The following GPC6 variants were observed in gnomAD, a reference collection of about 807,000 sequenced individuals.
GPC6 encodes glypican 6, also known as glypican-6.
Under a neutral mutation model 55.2 loss-of-function variants are expected in GPC6, and 14 were observed. The ratio of observed to expected loss-of-function variants is 0.25; its 90% CI spans 0.17 to 0.40. The LOEUF is 0.40. Among genes scored for constraint, GPC6 ranks in the 10% least tolerant of loss-of-function variants. The pLI is 1.00. For missense variants in GPC6, 641 were observed against 708.5 expected (o/e 0.90, Z 1.08); for synonymous variants, 278 against 259.6 (o/e 1.07, Z -0.68).
At chr13:93,661,302 C>T (rs1175321355) in intron 2 of GPC6, among the ~76,000 whole-genome samples, 1 of 152,074 alleles carries the variant, frequency 6.6e-6, no homozygotes, top group African/African-American at 2.4e-5. Context: ...CAACCTCCGC[C>T]TCCTGGTTTC....
At chr13:93,603,781 A>C (rs1878123458) in intron 2 of GPC6, among the ~76,000 whole-genome samples, 1 of 152,252 alleles carries the variant, frequency 6.6e-6, no homozygotes, top group African/African-American at 2.4e-5. Context: ...CAAGGGGGAC[A>C]CTAATATCTC....
At chr13:93,561,782 G>T (rs1476208890) in intron 2 of GPC6, among the ~76,000 whole-genome samples, 1 of 152,028 alleles carries the variant, frequency 6.6e-6, no homozygotes, top group Non-Finnish European at 1.5e-5. Context: ...CCATTCTACC[G>T]ACAGAGAGCA....
intron 1 of GPC6, among the ~76,000 whole-genome samples, chr13:93,496,326 G>C (rs893514331): frequency 4.6e-5 from 7 of 152,160 alleles, no homozygotes; most frequent in African/African-American, 1.7e-4. Context: ...CTCGGAAAAG[G>C]AACTCCCTGA....
chr13:93,373,441 A>G (rs1242039224), intron 1 of GPC6, among the ~76,000 whole-genome samples: 1 of 152,218 alleles, frequency 6.6e-6, no homozygotes, highest in Non-Finnish European at 1.5e-5. Flanking sequence ...ACAAATTTAC[A>G]TCAGCTTATA....
At chr13:93,266,948 C>G (rs1006958042) in intron 1 of GPC6, among the ~76,000 whole-genome samples, 12 of 152,114 alleles carry the variant, frequency 7.9e-5, no homozygotes, top group African/African-American at 2.7e-4. Context: ...TAAAAATGAA[C>G]TGAGAGACTC....
At chr13:94,107,497 A>C (rs1420567377) in intron 4 of GPC6, among the ~76,000 whole-genome samples, 1 of 151,800 alleles carries the variant, frequency 6.6e-6, no homozygotes, top group Non-Finnish European at 1.5e-5. Context: ...TCCAGAATCT[A>C]TACTTCACTC....
At chr13:93,373,943 C>G (rs966256975) in intron 1 of GPC6, among the ~76,000 whole-genome samples, 1 of 152,106 alleles carries the variant, frequency 6.6e-6, no homozygotes. Flanking sequence ...TACTGAGTGC[C>G]TCAAATGTCC....
At chr13:93,937,771 G>A (rs1028397501) in intron 3 of GPC6, among the ~76,000 whole-genome samples, 2 of 151,930 alleles carry the variant, frequency 1.3e-5, no homozygotes, top group African/African-American at 4.8e-5. Context: ...TAGAGATGGG[G>A]TTTCACCATG....
chr13:93,966,388 A>G (rs1880043975), intron 3 of GPC6, among the ~76,000 whole-genome samples: 2 of 152,232 alleles, frequency 1.3e-5, no homozygotes, highest in South Asian at 4.1e-4. Context: ...TTTCCTTTAC[A>G]GGGTAGACTT....
At chr13:93,732,866 TATA>T (rs771226205) in intron 2 of GPC6, among the ~76,000 whole-genome samples, 4 of 152,172 alleles carry the variant, frequency 2.6e-5, no homozygotes, top group African/African-American at 4.8e-5. Flanking sequence ...CTAATCTATA[TATA>T]ATATCATTTT....
intron 1 of GPC6, among the ~76,000 whole-genome samples, chr13:93,311,337 C>A (rs1305543493): frequency 2.6e-5 from 4 of 152,136 alleles, no homozygotes; most frequent in Non-Finnish European, 5.9e-5. Context: ...ATGTGATGAC[C>A]CTTGAGCTAT....
intron 1 of GPC6, among the ~76,000 whole-genome samples, chr13:93,438,156 T>C (rs1877643778): frequency 6.6e-6 from 1 of 152,176 alleles, no homozygotes; most frequent in African/African-American, 2.4e-5. Flanking sequence ...TTACTGCTCA[T>C]TGACAATGCA....
chr13:93,635,323 G>A (rs1879648118), intron 2 of GPC6, among the ~76,000 whole-genome samples: 2 of 151,996 alleles, frequency 1.3e-5, no homozygotes, highest in Admixed American at 1.3e-4. Flanking sequence ...ATTATACCCA[G>A]CACTGTCCCA....
intron 2 of GPC6, among the ~76,000 whole-genome samples, chr13:93,642,211 G>A (rs1041145963): frequency 2.6e-5 from 4 of 151,942 alleles, no homozygotes; most frequent in Admixed American, 6.6e-5. Context: ...GTGCCCAATG[G>A]TTAGCTCCCA....
chr13:93,386,357 T>G (rs1875406615), intron 1 of GPC6, among the ~76,000 whole-genome samples: 1 of 152,192 alleles, frequency 6.6e-6, no homozygotes, highest in African/African-American at 2.4e-5. Flanking sequence ...CCCCAGACCG[T>G]TCTAACACTT....
intron 1 of GPC6, among the ~76,000 whole-genome samples, chr13:93,331,494 A>G (rs1879842713): frequency 6.6e-6 from 1 of 152,192 alleles, no homozygotes; most frequent in African/African-American, 2.4e-5. Context: ...AGAAATATCA[A>G]TTGCTTTTTA....
At chr13:93,235,436 G>T (rs1338757446) in intron 1 of GPC6, among the ~76,000 whole-genome samples, 1 of 152,064 alleles carries the variant, frequency 6.6e-6, no homozygotes, top group East Asian at 1.9e-4. Context: ...CATGACGAAA[G>T]TATTGTTTTG....
At chr13:93,307,503 GTTA>G (rs1878896928) in intron 1 of GPC6, among the ~76,000 whole-genome samples, 1 of 152,034 alleles carries the variant, frequency 6.6e-6, no homozygotes, top group African/African-American at 2.4e-5. Flanking sequence ...TTATAAAATA[GTTA>G]TTATAATAAT....
intron 4 of GPC6, among the ~76,000 whole-genome samples, chr13:94,198,220 G>T (rs1889640442): frequency 6.6e-6 from 1 of 152,084 alleles, no homozygotes; most frequent in South Asian, 2.1e-4. Context: ...GGTGGTCACA[G>T]GTTGTATATA....
Sources: allele counts gnomAD v4.1 joint callset (sites outside exome capture counted in the v4.1 genomes callset), GRCh38; gene constraint gnomAD v4.1.1; transcripts MANE v1.5; gene names NCBI Gene and HGNC (gene_info 2026-07-23, HGNC 2026-07-21).